The following DIP2C variants were observed in gnomAD, a reference collection of about 807,000 sequenced individuals.
The protein encoded by DIP2C is disco-interacting protein 2 homolog C.
In DIP2C, 33 loss-of-function variants were observed where a neutral mutation model predicts 192.4. The observed-to-expected ratio is 0.17, with a 90% CI of 0.13 to 0.23. The LOEUF (loss-of-function observed/expected upper bound fraction) is 0.23. DIP2C is among the 10% of genes least tolerant of loss of function. The probability of loss-of-function intolerance (pLI) is 1.00; values close to 1 mark genes in which losing one functional copy is unlikely to be tolerated. For synonymous variants in DIP2C, 979 were observed against 864.1 expected, an observed-to-expected ratio of 1.13 and a Z score of -2.33; for missense variants, 1,537 against 2,110.1, an observed-to-expected ratio of 0.73 and a Z score of 5.32.
At chr10:679,442 A>G (rs1370699087) in intron 1 of DIP2C, among the ~76,000 whole-genome samples, 2 of 71,620 alleles carry the variant, frequency 2.8e-5, no homozygotes, top group African/African-American at 6.7e-5. Flanking sequence ...TACTCCCCAC[A>G]CCCAGGCTCC....
intron 19 of DIP2C, 111 bp from the exon 20 acceptor site, chr10:364,693 C>A: frequency 8.2e-7 from 1 of 1,217,090 alleles, no homozygotes. Flanking sequence ...TGCCTTTCAC[C>A]CCAGCAACCC....
chr10:671,736 C>A (rs1588739760), intron 1 of DIP2C, among the ~76,000 whole-genome samples: 2 of 107,480 alleles, frequency 1.9e-5, no homozygotes, highest in East Asian at 3.1e-4. Context: ...GACGCACGGA[C>A]GGAGGAAACG....
chr10:557,836 A>AGGCAGGCAGGAAGGGGGAGGGGGCAGG lies in DIP2C; in HGVS notation c.86-71333_86-71307dup, dbSNP rs1588458249. Among the ~76,000 whole-genome samples the AGGCAGGCAGGAAGGGGGAGGGGGCAGG allele has an allele frequency of 4.0e-5, 3 of 75,742 alleles. No homozygotes were observed. The East Asian group carries it at 1.6e-3, about 40-fold the overall frequency. 49.7% of individuals were successfully genotyped at this position (75,742 alleles called of 152,430 possible). A position where few individuals can be genotyped will look rare whatever the true frequency, so the allele number is the denominator to read the frequency against. The stretch of plus-strand genomic sequence containing the variant: ...AGGGGGAGGGGGCAGGAAGGCAGGC[A>AGGCAGGCAGGAAGGGGGAGGGGGCAGG]GGCAGGCAGGAAGGGGGAGGGGGCA... On this transcript the variant is annotated intron_variant, in intron 1 of 36. Transcript: ENST00000280886.
At chr10:366,932 G>C (rs1279868715) in intron 18 of DIP2C, among the ~76,000 whole-genome samples, 1 of 152,118 alleles carries the variant, frequency 6.6e-6, no homozygotes, top group Non-Finnish European at 1.5e-5. Context: ...TTCATGCTTT[G>C]CCCAACAACA....
At position 425,377 on chromosome 10, in the gene DIP2C, G is replaced by A. The variant is rs113045331; in HGVS notation, c.395-2344C>T. Among the ~76,000 whole-genome samples, 463 of 72,320 alleles carry A rather than the reference G, an allele frequency of 6.4e-3. 1 individual carries two copies. Among genetic ancestry groups the A allele is most frequent in the Middle Eastern group, 0.026 (2 of 76 alleles). The allele number at this position is 72,320 out of a possible 152,430, so 47.4% of individuals were successfully genotyped here. ...GTGACTAATATGACACGGATGATAC[G>A]GCATGACCAGCGGTGACTAATATGA... On this transcript the variant is annotated intron_variant, in intron 4 of 36. Coordinates refer to ENST00000280886, the MANE Select transcript of DIP2C (RefSeq NM_014974.3).
intron 1 of DIP2C, among the ~76,000 whole-genome samples, chr10:544,379 T>G (rs902124958): frequency 6.6e-6 from 1 of 152,278 alleles, no homozygotes; most frequent in Non-Finnish European, 1.5e-5. Context: ...CTGTTACGAA[T>G]AATGCTGCTA....
intron 32 of DIP2C, among the ~76,000 whole-genome samples, chr10:308,903 T>C (rs1304208745): frequency 1.3e-5 from 2 of 152,212 alleles, no homozygotes; most frequent in African/African-American, 2.4e-5. Context: ...ATGCAGGCTG[T>C]TGGGACACCC....
At chr10:364,774 C>T (rs1160550001) in intron 19 of DIP2C, among the ~76,000 whole-genome samples, 192 bp from the exon 20 acceptor site, 1 of 152,186 alleles carries the variant, frequency 6.6e-6, no homozygotes, top group African/African-American at 2.4e-5. Context: ...ACTTCCTGCC[C>T]ACCTCAGCAG....
intron 2 of DIP2C, among the ~76,000 whole-genome samples, chr10:472,828 C>T (rs548962993): frequency 2.6e-5 from 4 of 152,290 alleles, no homozygotes; most frequent in South Asian, 4.1e-4. Context: ...CCACAGGTGG[C>T]AACTGAATTC....
intron 29 of DIP2C, among the ~76,000 whole-genome samples, chr10:337,011 C>CTGTG (rs71374355): frequency 5.2e-5 from 2 of 38,624 alleles, no homozygotes; most frequent in African/African-American, 1.0e-4. Context: ...GCCTAGGCAG[C>CTGTG]TGTGTGTGTG....
chr10:568,663 G>A (rs1849582590), intron 1 of DIP2C, among the ~76,000 whole-genome samples: 1 of 150,744 alleles, frequency 6.6e-6, no homozygotes, highest in Non-Finnish European at 1.5e-5. Flanking sequence ...CTACTCGGGA[G>A]GCTGAGGCAG....
At chr10:643,387 A>G (rs1855299845) in intron 1 of DIP2C, among the ~76,000 whole-genome samples, 1 of 151,510 alleles carries the variant, frequency 6.6e-6, no homozygotes, top group South Asian at 2.1e-4. Flanking sequence ...GGTGGCGGGT[A>G]CCTATAGTCC....
chr10:576,276 C>G (rs770973356), intron 1 of DIP2C, among the ~76,000 whole-genome samples: 1 of 152,336 alleles, frequency 6.6e-6, no homozygotes, highest in Admixed American at 6.5e-5. Context: ...CAAAGCAACA[C>G]TGCGAGGCAA....
intron 26 of DIP2C, among the ~76,000 whole-genome samples, chr10:347,527 G>A (rs187082257): frequency 9.3e-5 from 5 of 53,878 alleles, no homozygotes; most frequent in African/African-American, 2.9e-4. Flanking sequence ...AACCCCACAC[G>A]CACCCAACCC....
chr10:577,146 G>A (rs11253255), intron 1 of DIP2C, among the ~76,000 whole-genome samples: 5,013 of 152,280 alleles, frequency 0.033, 129 homozygotes, highest in Non-Finnish European at 0.05. Flanking sequence ...GTAAGTTCCA[G>A]TATGGCTGCA....
intron 3 of DIP2C, among the ~76,000 whole-genome samples, chr10:444,758 G>A (rs1422028736): frequency 6.6e-6 from 1 of 152,236 alleles, no homozygotes; most frequent in Non-Finnish European, 1.5e-5. Context: ...TTTGGTTTCA[G>A]TATTTTGTAC....
At chr10:464,841 A>C (rs12416177) in intron 3 of DIP2C, among the ~76,000 whole-genome samples, 65,040 of 151,508 alleles carry the variant, frequency 0.43, 15,723 homozygotes, top group East Asian at 0.64. Context: ...AACCAGGAAG[A>C]AGTTGAATCT....
In DIP2C at chr10:376,515, G is replaced by A. The variant is rs1428000618; in HGVS notation, c.1991+6132C>T. Among the ~76,000 whole-genome samples the A allele has an allele frequency of 4.8e-5, 7 of 145,146 alleles. No individual in the cohort carries two copies. In the South Asian group the frequency reaches 9.7e-4, roughly 20 times the overall value. On this transcript the variant is annotated intron_variant, in intron 17 of 36. Transcript: ENST00000280886. ...TTTGAGAGTGGGGTTGGGAGGGGGGGTCTTCCCTTCTGAACTGGCAGCCAG... is the reference window on the plus strand; with the variant it reads ...TTTGAGAGTGGGGTTGGGAGGGGGGATCTTCCCTTCTGAACTGGCAGCCAG...
chr10:541,507 C>G (rs1214258170), intron 1 of DIP2C, among the ~76,000 whole-genome samples: 2 of 135,182 alleles, frequency 1.5e-5, no homozygotes, highest in East Asian at 4.6e-4. Flanking sequence ...CACAGCATGA[C>G]CCTCCACACT....
Sources: allele counts gnomAD v4.1 joint callset (sites outside exome capture counted in the v4.1 genomes callset), GRCh38; gene constraint gnomAD v4.1.1; transcripts MANE v1.5; gene names NCBI Gene and HGNC (gene_info 2026-07-23, HGNC 2026-07-21).